SMPDL3A: variants seen among roughly 807,000 people sequenced by gnomAD.
The protein encoded by SMPDL3A is cyclic GMP-AMP phosphodiesterase SMPDL3A.
SMPDL3A carries 39 observed loss-of-function variants against 38.5 expected under a neutral mutation model. The observed-to-expected ratio is 1.01, with a 90% CI of 0.78 to 1.32. SMPDL3A has a LOEUF of 1.32. Ranked by LOEUF, SMPDL3A falls within the 40% of genes most tolerant of loss-of-function variation. The pLI is 0.00. For missense variants in SMPDL3A, 502 were observed against 536.2 expected (o/e 0.94, Z 0.63); for synonymous variants, 180 against 194.3 (o/e 0.93, Z 0.61).
At chr6:122,806,122 C>A (rs1015911501) in intron 6 of SMPDL3A, 111 bp from the exon 7 acceptor site, 3 of 877,440 alleles carry the variant, frequency 3.4e-6, no homozygotes, top group African/African-American at 3.4e-5. Context: ...CATTAGTGAT[C>A]ACATATCACT....
At chr6:122,802,968 AAAT>A (rs1235357697) in intron 4 of SMPDL3A, among the ~76,000 whole-genome samples, 1 of 152,214 alleles carries the variant, frequency 6.6e-6, no homozygotes, top group Non-Finnish European at 1.5e-5. Flanking sequence ...ACCATAATAA[AAAT>A]AATAAGGTGT....
chr6:122,804,552 C>T (rs1426251078), intron 5 of SMPDL3A, among the ~76,000 whole-genome samples: 1 of 152,124 alleles, frequency 6.6e-6, no homozygotes, highest in African/African-American at 2.4e-5. Context: ...GGCTCGAACT[C>T]TGCTTTGGCA....
chr6:122,805,230 A>G lies in SMPDL3A; in HGVS notation c.919+141A>G, dbSNP rs529833425. 20 of 654,064 alleles carry G rather than the reference A, an allele frequency of 3.1e-5. No individual in the cohort carries two copies. In the East Asian group the frequency reaches 5.2e-4, roughly 17 times the overall value. The allele number at this position is 654,064 out of a possible 1,614,324, so 40.5% of individuals were successfully genotyped here. On this transcript the variant is annotated intron_variant, in intron 6 of 7. Coordinates refer to ENST00000368440, the MANE Select transcript of SMPDL3A (RefSeq NM_006714.5). ...ATTAGCCTTTTCTGAATTATCCTCA[A>G]TGGTTGTATGATGAGTGTCCAAATC...
intron 1 of SMPDL3A, chr6:122,789,948 T>A (rs1381980009): frequency 1.1e-6 from 1 of 883,326 alleles, no homozygotes; most frequent in East Asian, 1.2e-4. Context: ...TCTGTCTTGC[T>A]CGACCGAGAT....
chr6:122,808,985 C>T lies in SMPDL3A; in HGVS notation c.1045-106C>T, dbSNP rs1428997719. The T allele has an allele frequency of 4.4e-6, 4 of 908,510 alleles. No individual in the cohort carries two copies. In the Admixed American group the frequency reaches 8.9e-5, roughly 20 times the overall value. 56.3% of individuals were successfully genotyped at this position (908,510 alleles called of 1,614,324 possible). A position where few individuals can be genotyped will look rare whatever the true frequency, so the allele number is the denominator to read the frequency against. ...CTAGGATTACAGGCGTGAGCCACAG[C>T]GCCAAGCCTAAAATGTCACAGAAAT... On this transcript the variant is annotated intron_variant, in intron 7 of 7. Transcript: ENST00000368440.
At chr6:122,808,838 T>C (rs1163864851) in intron 7 of SMPDL3A, among the ~76,000 whole-genome samples, 3 of 151,914 alleles carry the variant, frequency 2.0e-5, no homozygotes, top group Admixed American at 2.0e-4. Context: ...CCCACCACTA[T>C]GCCCAGCTAA....
At chr6:122,792,982 T>C (rs921690642) in intron 1 of SMPDL3A, among the ~76,000 whole-genome samples, 3 of 152,198 alleles carry the variant, frequency 2.0e-5, no homozygotes, top group Non-Finnish European at 4.4e-5. Flanking sequence ...TGGAGTCAGA[T>C]TTCCTGAATT....
At position 122,801,338 on chromosome 6, in the gene SMPDL3A, T is replaced by C. The variant is rs148272814; in HGVS notation, c.500T>C (p.Val167Ala). 4.3e-6 allele frequency: 7 copies of C among 1,613,328 alleles called. No individual in the cohort carries two copies. Among genetic ancestry groups the C allele is most frequent in the Non-Finnish European group, 5.9e-6 (7 of 1,179,380 alleles). Residue 167 changes from valine (V) to alanine (A), a missense_variant, in exon 4 of 8, where the codon GTG (valine) becomes GCG (alanine). Coordinates refer to ENST00000368440, the MANE Select transcript of SMPDL3A (RefSeq NM_006714.5). ...CAACTGCCTGTAGTCACCAGTAAAG[T>C]GTACAATGCAGTAGCAAACCTCTGG... ...QDQLPVVTSK[V>A]YNAVANLWKP...
chr6:122,804,255 G>A (rs1781529388), intron 5 of SMPDL3A, among the ~76,000 whole-genome samples: 1 of 151,614 alleles, frequency 6.6e-6, no homozygotes, highest in Non-Finnish European at 1.5e-5. Flanking sequence ...CCAAAGTGCT[G>A]GGATTACAGG....
intron 1 of SMPDL3A, among the ~76,000 whole-genome samples, chr6:122,790,066 T>A (rs1405984345): frequency 2.0e-5 from 3 of 152,152 alleles, no homozygotes; most frequent in Admixed American, 2.0e-4. Flanking sequence ...CACCTGGATG[T>A]CCACTAGGTT....
intron 1 of SMPDL3A, among the ~76,000 whole-genome samples, chr6:122,794,453 T>G (rs1478323813): frequency 6.6e-6 from 1 of 151,944 alleles, no homozygotes; most frequent in Non-Finnish European, 1.5e-5. Context: ...AAAAATTAGC[T>G]GGGTGTGGTG....
chr6:122,794,219 C>T (rs892173911), intron 1 of SMPDL3A, among the ~76,000 whole-genome samples: 41 of 152,252 alleles, frequency 2.7e-4, no homozygotes, highest in African/African-American at 9.9e-4. Context: ...ATTTAAATTG[C>T]TTATCACAGT....
Position 122,789,264 on chromosome 6 carries a change from T to C in SMPDL3A, c.-83T>C. 2.1e-6 allele frequency: 2 copies of C among 966,786 alleles called. No individual in the cohort carries two copies. Among genetic ancestry groups the C allele is most frequent in the Admixed American group, 2.7e-5 (1 of 36,900 alleles). 59.9% of individuals were successfully genotyped at this position (966,786 alleles called of 1,614,324 possible). A position where few individuals can be genotyped will look rare whatever the true frequency, so the allele number is the denominator to read the frequency against. ...GACGTCTACACCCGCAGCCGTCTTCTGTCTCCGCCTCACCCTCAGGCCTGA... is the reference window on the plus strand; with the variant it reads ...GACGTCTACACCCGCAGCCGTCTTCCGTCTCCGCCTCACCCTCAGGCCTGA... On this transcript the variant is annotated 5_prime_UTR_variant, in exon 1 of 8. Coordinates refer to ENST00000368440, the MANE Select transcript of SMPDL3A (RefSeq NM_006714.5).
intron 5 of SMPDL3A, among the ~76,000 whole-genome samples, chr6:122,804,470 A>AT (rs1184698070): frequency 1.7e-4 from 26 of 150,164 alleles, no homozygotes; most frequent in Non-Finnish European, 1.3e-4. Flanking sequence ...CTCCTGGCTA[A>AT]TTTTTTTTTC....
At chr6:122,791,402 T>G (rs968695417) in intron 1 of SMPDL3A, among the ~76,000 whole-genome samples, 2 of 152,166 alleles carry the variant, frequency 1.3e-5, no homozygotes, top group African/African-American at 4.8e-5. Flanking sequence ...AGCTTAATAG[T>G]CAGATGAGAC....
chr6:122,808,656 CCCTCCCT>C (rs1781743566), intron 7 of SMPDL3A, among the ~76,000 whole-genome samples: 2 of 82,718 alleles, frequency 2.4e-5, no homozygotes, highest in Non-Finnish European at 4.8e-5. Context: ...CCCTCCTCCC[CCCTCCCT>C]CCCTCTCCTT....
intron 7 of SMPDL3A, among the ~76,000 whole-genome samples, 177 bp downstream of exon 7, chr6:122,806,534 G>A (rs1198828251): frequency 6.6e-6 from 1 of 152,180 alleles, no homozygotes. Context: ...AGTGTGAGCT[G>A]ATGAAGTTAG....
At chr6:122,803,279 T>C (rs1017929654) in intron 4 of SMPDL3A, among the ~76,000 whole-genome samples, 2 of 152,232 alleles carry the variant, frequency 1.3e-5, no homozygotes, top group Admixed American at 6.5e-5. Context: ...TTACCATTTT[T>C]TGGATTTTAT....
chr6:122,793,480 T>A (rs1781142799), intron 1 of SMPDL3A, among the ~76,000 whole-genome samples: 1 of 152,224 alleles, frequency 6.6e-6, no homozygotes, highest in African/African-American at 2.4e-5. Flanking sequence ...AAATACATGT[T>A]CACGTTAAAA....
Sources: allele counts gnomAD v4.1 joint callset (sites outside exome capture counted in the v4.1 genomes callset), GRCh38; gene constraint gnomAD v4.1.1; transcripts MANE v1.5; gene names NCBI Gene and HGNC (gene_info 2026-07-23, HGNC 2026-07-21).